RPS6KC1: variants seen among roughly 807,000 people sequenced by gnomAD.
RPS6KC1 encodes inactive ribosomal protein S6 kinase delta-1.
A neutral mutation model predicts 103.8 loss-of-function variants in RPS6KC1; 54 were observed. The ratio of observed to expected loss-of-function variants is 0.52; its 90% CI spans 0.42 to 0.65. The LOEUF (loss-of-function observed/expected upper bound fraction) is 0.65, where lower values mean the gene tolerates loss of function less well. RPS6KC1 is among the 30% of genes least tolerant of loss of function. The pLI is 0.00. For missense variants in RPS6KC1, 1,151 were observed against 1,253.8 expected (o/e 0.92, Z 1.24); for synonymous variants, 439 against 438.7 (o/e 1.00, Z -0.01).
chr1:213,070,556 G>C (rs748352087), intron 1 of RPS6KC1, among the ~76,000 whole-genome samples: 1 of 152,148 alleles, frequency 6.6e-6, no homozygotes, highest in Non-Finnish European at 1.5e-5. Context: ...ACCATGTGGT[G>C]GAAGATTTAT....
At chr1:213,555,695 T>C in the RPS6KC1 span, among the ~76,000 whole-genome samples, 1 of 152,244 alleles carries the variant, frequency 6.6e-6, no homozygotes, top group Non-Finnish European at 1.5e-5. Context: ...CTGTGAATTG[T>C]GGTTACTCTT....
the RPS6KC1 span, among the ~76,000 whole-genome samples, chr1:213,671,679 A>G: frequency 6.6e-6 from 1 of 152,040 alleles, no homozygotes; most frequent in African/African-American, 2.4e-5. Flanking sequence ...AGCTACTCGG[A>G]AGACTAAGGC....
At chr1:213,543,388 C>T in the RPS6KC1 span, among the ~76,000 whole-genome samples, 1 of 152,240 alleles carries the variant, frequency 6.6e-6, no homozygotes, top group East Asian at 1.9e-4. Context: ...CACAGGAAGA[C>T]AGAAGACAGG....
At chr1:213,260,106 C>G (rs746958239) in intron 12 of RPS6KC1, among the ~76,000 whole-genome samples, 59 of 152,232 alleles carry the variant, frequency 3.9e-4, no homozygotes, top group Middle Eastern at 6.8e-3. Flanking sequence ...GATTAAATCT[C>G]TATTGTTAGG....
At chr1:213,415,242 G>A in the RPS6KC1 span, among the ~76,000 whole-genome samples, 1 of 152,174 alleles carries the variant, frequency 6.6e-6, no homozygotes, top group East Asian at 1.9e-4. Flanking sequence ...AGCTGCTATC[G>A]CAATTCATAC....
chr1:213,457,885 C>T, the RPS6KC1 span, among the ~76,000 whole-genome samples: 4 of 152,242 alleles, frequency 2.6e-5, no homozygotes, highest in African/African-American at 9.6e-5. Flanking sequence ...TCTTGGCTTA[C>T]TCCTCAACCA....
chr1:213,258,217 A>G (rs569818142), intron 12 of RPS6KC1, among the ~76,000 whole-genome samples: 2 of 152,050 alleles, frequency 1.3e-5, no homozygotes, highest in East Asian at 1.9e-4. Flanking sequence ...TCCTGACCTC[A>G]TGATCTGGCC....
At chr1:213,466,308 G>T in the RPS6KC1 span, among the ~76,000 whole-genome samples, 2 of 152,288 alleles carry the variant, frequency 1.3e-5, no homozygotes, top group South Asian at 2.1e-4. Flanking sequence ...ATACTATTTT[G>T]TTAAGTATGG....
At chr1:213,541,321 AT>A in the RPS6KC1 span, among the ~76,000 whole-genome samples, 1 of 151,564 alleles carries the variant, frequency 6.6e-6, no homozygotes, top group Admixed American at 6.6e-5. Flanking sequence ...ACAGATCACC[AT>A]AACAGATTTA....
Position 213,240,887 on chromosome 1 carries a change from C to A in RPS6KC1, c.1411C>A (p.Pro471Thr), listed in dbSNP as rs753416076. 2.5e-6 allele frequency: 4 copies of A among 1,613,772 alleles called. No homozygotes were observed. Among genetic ancestry groups the A allele is most frequent in the Non-Finnish European group, 3.4e-6 (4 of 1,179,858 alleles). Residue 471 changes from proline to threonine, a missense_variant, in exon 11 of 15, where the codon CCT becomes ACT. By Grantham distance (38) the Pro-to-Thr change is conservative. Around this residue, in one of 3 missense-constraint regions of RPS6KC1, gnomAD observed 959 missense variants for 1,006.3 expected, o/e 0.95. Transcript: ENST00000366960. ...SDGGSMLKALPLKSSLTPSSQ... is the reference protein window; with the variant it reads ...SDGGSMLKALTLKSSLTPSSQ... ...TGGTGGAAGCATGCTTAAAGCTCTG[C>A]CTTTGAAGAGTAGTCTTACTCCAAG...
chr1:213,793,275 T>A, the RPS6KC1 span, among the ~76,000 whole-genome samples: 3 of 152,216 alleles, frequency 2.0e-5, no homozygotes, highest in Non-Finnish European at 4.4e-5. Flanking sequence ...GGTCCTCACG[T>A]AGGTGAAAAT....
At chr1:213,364,802 A>G in the RPS6KC1 span, among the ~76,000 whole-genome samples, 1 of 151,968 alleles carries the variant, frequency 6.6e-6, no homozygotes, top group South Asian at 2.1e-4. Context: ...AAAAAAAATC[A>G]CAAAAATTAG....
the RPS6KC1 span, among the ~76,000 whole-genome samples, chr1:213,674,691 A>G: frequency 5.3e-5 from 8 of 152,280 alleles, no homozygotes; most frequent in East Asian, 5.8e-4. Flanking sequence ...AATGGTAGTT[A>G]TATTTTACTT....
At chr1:213,678,803 G>A in the RPS6KC1 span, among the ~76,000 whole-genome samples, 17 of 152,250 alleles carry the variant, frequency 1.1e-4, no homozygotes, top group East Asian at 1.9e-4. Context: ...TGGGAGTCAC[G>A]CTGACTAAAC....
chr1:213,397,457 G>A, the RPS6KC1 span, among the ~76,000 whole-genome samples: 1 of 152,040 alleles, frequency 6.6e-6, no homozygotes, highest in Non-Finnish European at 1.5e-5. Flanking sequence ...AGAAGAAAGT[G>A]TTGGTTCCAA....
intron 1 of RPS6KC1, among the ~76,000 whole-genome samples, chr1:213,066,348 A>T (rs1237895369): frequency 1.3e-5 from 2 of 152,230 alleles, no homozygotes; most frequent in Non-Finnish European, 2.9e-5. Context: ...ACTAAGCTTT[A>T]GGCTTGTCAG....
At chr1:213,428,441 CA>C in the RPS6KC1 span, among the ~76,000 whole-genome samples, 1 of 93,066 alleles carries the variant, frequency 1.1e-5, no homozygotes, top group East Asian at 4.2e-4. Context: ...TCCCTCCCTC[CA>C]TCCCTCCCTC....
rs1393568915 is a variant in RPS6KC1 at position 213,205,543 on chromosome 1, TATAG to T, written c.1045-24950_1045-24947del. ...TAATAACAACAAACTCATTTATATA[TATAG>T]ATATATATATATATATATATTTCAA... On this transcript the variant is annotated intron_variant, in intron 8 of 14. Transcript: ENST00000366960. Among the ~76,000 whole-genome samples the T allele has an allele frequency of 1.7e-3, 183 of 110,100 alleles. 13 individuals are homozygous for T. The highest frequency in any genetic ancestry group is 4.5e-3 in the Middle Eastern group (1 of 224). 72.2% of individuals were successfully genotyped at this position (110,100 alleles called of 152,430 possible). A position where few individuals can be genotyped will look rare whatever the true frequency, so the allele number is the denominator to read the frequency against.
At chr1:213,659,050 C>T in the RPS6KC1 span, among the ~76,000 whole-genome samples, 7 of 152,108 alleles carry the variant, frequency 4.6e-5, no homozygotes, top group East Asian at 1.9e-4. Context: ...CCGCAACCTC[C>T]GCCTCCTGGG....
Sources: allele counts gnomAD v4.1 joint callset (sites outside exome capture counted in the v4.1 genomes callset), GRCh38; gene constraint gnomAD v4.1.1; regional missense constraint gnomAD v4.1.1; transcripts MANE v1.5; gene names NCBI Gene and HGNC (gene_info 2026-07-23, HGNC 2026-07-21).